ERICH1: variants seen among roughly 807,000 people sequenced by gnomAD.
The protein encoded by ERICH1 is glutamate-rich protein 1.
ERICH1 carries 56 observed loss-of-function variants against 39.6 expected under a neutral mutation model. The ratio of observed to expected loss-of-function variants is 1.41; its 90% CI spans 1.14 to 1.77. ERICH1 has a LOEUF of 1.77. Ranked by LOEUF, ERICH1 falls within the 40% of genes most tolerant of loss-of-function variation. The probability of loss-of-function intolerance (pLI) is 0.00; values close to 1 mark genes in which losing one functional copy is unlikely to be tolerated. For synonymous variants in ERICH1, 313 were observed against 223.6 expected, an observed-to-expected ratio of 1.40 and a Z score of -3.57; for missense variants, 826 against 575.4, an observed-to-expected ratio of 1.44 and a Z score of -4.45.
intron 1 of ERICH1, among the ~76,000 whole-genome samples, chr8:729,091 C>CTTCA (rs964364317): frequency 6.6e-6 from 1 of 152,194 alleles, no homozygotes; most frequent in African/African-American, 2.4e-5. Flanking sequence ...CACAGCAGAG[C>CTTCA]TTCACTTAGC....
intron 2 of ERICH1, among the ~76,000 whole-genome samples, chr8:702,925 C>G (rs374782063): frequency 6.6e-6 from 1 of 152,218 alleles, no homozygotes; most frequent in Non-Finnish European, 1.5e-5. Flanking sequence ...ACAGGTACCC[C>G]GCACGCCTGG....
At chr8:724,304 G>A (rs912025641) in intron 1 of ERICH1, among the ~76,000 whole-genome samples, 4 of 152,170 alleles carry the variant, frequency 2.6e-5, no homozygotes, top group African/African-American at 7.2e-5. Flanking sequence ...AGTGAGATCC[G>A]ATCTCTACAA....
chr8:709,525 CT>C (rs1362035157), intron 2 of ERICH1, among the ~76,000 whole-genome samples: 4 of 152,218 alleles, frequency 2.6e-5, no homozygotes, highest in African/African-American at 9.7e-5. Context: ...GAAAAATAAT[CT>C]TTTACCCTTT....
intron 2 of ERICH1, among the ~76,000 whole-genome samples, chr8:712,471 C>A (rs1814969370): frequency 6.6e-6 from 1 of 152,050 alleles, no homozygotes; most frequent in Admixed American, 6.5e-5. Context: ...GCTCTGTTGC[C>A]CAGGCTGGAG....
At chr8:696,284 T>A (rs1436802028) in intron 2 of ERICH1, among the ~76,000 whole-genome samples, 12 of 69,668 alleles carry the variant, frequency 1.7e-4, no homozygotes, top group Non-Finnish European at 2.1e-4. Context: ...CTCGCTCCTC[T>A]CACCCTTCAC....
chr8:708,342 T>A (rs1466409402), intron 2 of ERICH1, among the ~76,000 whole-genome samples: 1 of 152,172 alleles, frequency 6.6e-6, no homozygotes, highest in African/African-American at 2.4e-5. Context: ...CAAGAACATG[T>A]GCATGGATTC....
chr8:720,323 C>T (rs756045005), intron 1 of ERICH1, among the ~76,000 whole-genome samples: 6 of 152,168 alleles, frequency 3.9e-5, no homozygotes, highest in East Asian at 3.9e-4. Flanking sequence ...GATGGCAGAA[C>T]GCTGAGGTAC....
chr8:634,569 G>A (rs554094665), intron 3 of ERICH1, among the ~76,000 whole-genome samples: 1 of 152,294 alleles, frequency 6.6e-6, no homozygotes, highest in Admixed American at 6.5e-5. Context: ...GTTTGCTTGC[G>A]GCTCACTCCA....
intron 1 of ERICH1, 49 bp from the exon 2 acceptor site, chr8:716,056 GCA>G: frequency 6.5e-7 from 1 of 1,548,016 alleles, no homozygotes; most frequent in Non-Finnish European, 8.7e-7. Context: ...AATGAATTAT[GCA>G]GTTTATCTGA....
intron 3 of ERICH1, among the ~76,000 whole-genome samples, chr8:683,199 G>A (rs984347590): frequency 3.9e-5 from 6 of 152,346 alleles, no homozygotes; most frequent in East Asian, 1.9e-4. Flanking sequence ...GACAAGCGGT[G>A]GCTGTGGCTG....
intron 3 of ERICH1, among the ~76,000 whole-genome samples, chr8:624,840 C>A (rs2117055646): frequency 6.6e-6 from 1 of 152,222 alleles, no homozygotes; most frequent in Non-Finnish European, 1.5e-5. Context: ...CATTCTCCTG[C>A]CTCAGCCTCC....
chr8:722,495 G>A lies in ERICH1; in HGVS notation c.23-6488C>T, dbSNP rs140354623. Reference sequence around the variant, plus strand: ...TACCAATAAAATCTTTCAGTAAAGTGTTCTATGGAAATTACACACTTAGGA... The same window carrying A: ...TACCAATAAAATCTTTCAGTAAAGTATTCTATGGAAATTACACACTTAGGA... On this transcript the variant is annotated intron_variant, in intron 1 of 5. Coordinates refer to ENST00000262109, the MANE Select transcript of ERICH1 (RefSeq NM_207332.3). Among the ~76,000 whole-genome samples the A allele has an allele frequency of 2.0e-3, 306 of 152,302 alleles. 1 individual carries two copies. The highest frequency in any genetic ancestry group is 6.6e-3 in the African/African-American group (273 of 41,566).
chr8:727,447 T>C (rs914270358), intron 1 of ERICH1, among the ~76,000 whole-genome samples: 3 of 152,132 alleles, frequency 2.0e-5, no homozygotes, highest in Admixed American at 6.5e-5. Context: ...ACAGGAAGTG[T>C]GACTGCTCAC....
chr8:627,671 C>T (rs569987035), intron 3 of ERICH1, among the ~76,000 whole-genome samples: 37 of 152,200 alleles, frequency 2.4e-4, no homozygotes, highest in Non-Finnish European at 4.3e-4. Context: ...CACCTGAACC[C>T]GAAAGCAAGG....
chr8:708,097 C>T (rs1472634681), intron 2 of ERICH1, among the ~76,000 whole-genome samples: 1 of 151,380 alleles, frequency 6.6e-6, no homozygotes, highest in East Asian at 2.0e-4. Flanking sequence ...CCACTTCACA[C>T]CTCCTAGGGT....
rs144815516 is a variant in ERICH1 at position 643,210 on chromosome 8, C to T, written c.976+25388G>A. On this transcript the variant is annotated intron_variant, in intron 3 of 3. Transcript: ENST00000522706. ...TCTGCCTCTCGTTAAACATTGCATG[C>T]GATTCCTGCGAGTTCTCTGGCATGA... Among the ~76,000 whole-genome samples, 413 of 152,334 alleles carry T rather than the reference C, an allele frequency of 2.7e-3. 2 individuals carry two copies. Among genetic ancestry groups the T allele is most frequent in the Non-Finnish European group, 4.8e-3 (328 of 68,022 alleles).
intron 2 of ERICH1, among the ~76,000 whole-genome samples, chr8:701,193 C>T (rs529992127): frequency 6.6e-6 from 1 of 152,198 alleles, no homozygotes; most frequent in African/African-American, 2.4e-5. Context: ...GGGAGCACAC[C>T]GTACCCACGG....
chr8:699,491 T>C (rs573771544), intron 2 of ERICH1, among the ~76,000 whole-genome samples: 49 of 152,272 alleles, frequency 3.2e-4, no homozygotes, highest in African/African-American at 1.1e-3. Context: ...CTGCCTGGTA[T>C]CTCCGCTGGG....
Position 664,632 on chromosome 8 carries a change from G to C in ERICH1, c.1303C>G (p.His435Asp). 6.2e-7 allele frequency: 1 copy of C among 1,613,082 alleles called. No homozygotes were observed. The highest frequency in any genetic ancestry group is 8.5e-7 in the Non-Finnish European group (1 of 1,179,748). ...TCACTGCTCTTCTCAGGAAGGATATGTGTGATCCAGTAACTAAAGAAAGCT... is the reference window on the plus strand; with the variant it reads ...TCACTGCTCTTCTCAGGAAGGATATCTGTGATCCAGTAACTAAAGAAAGCT... ...ISAFFSYWITHILPEKSSD is the reference protein window; with the variant it reads ...ISAFFSYWITDILPEKSSD Residue 435 changes from histidine to aspartate, a missense_variant, in exon 6 of 6, where the codon CAT becomes GAT. His to Asp is a moderately conservative substitution (Grantham distance 81). Transcript: ENST00000262109.
Sources: allele counts gnomAD v4.1 joint callset (sites outside exome capture counted in the v4.1 genomes callset), GRCh38; gene constraint gnomAD v4.1.1; transcripts MANE v1.5; gene names NCBI Gene and HGNC (gene_info 2026-07-23, HGNC 2026-07-21).